Variants in CLEC16A observed in about 807,000 individuals in gnomAD.
CLEC16A encodes protein CLEC16A.
Under a neutral mutation model 109.5 loss-of-function variants are expected in CLEC16A, and 51 were observed. That is an observed-to-expected ratio of 0.47 (90% CI 0.37 to 0.59). The LOEUF (loss-of-function observed/expected upper bound fraction) is 0.59. CLEC16A is among the 20% of genes least tolerant of loss of function. The pLI, the probability that CLEC16A is intolerant of heterozygous loss-of-function variation, is 0.00. For missense variants in CLEC16A, 1,339 were observed against 1,394.0 expected (o/e 0.96, Z 0.63); for synonymous variants, 673 against 564.2 (o/e 1.19, Z -2.73).
In CLEC16A at chr16:11,125,964, A is replaced by C. The variant is rs759362683; in HGVS notation, c.2474-15A>C. ...CCACATGCTCAGAGTGAACCATGCT[A>C]TTGTTTGACCGTAGCCCTCCTGGAC... On this transcript the variant is annotated splice_polypyrimidine_tract_variant and intron_variant, in intron 21 of 23. Transcript: ENST00000409790. 8 of 1,376,362 alleles carry C rather than the reference A, an allele frequency of 5.8e-6. No individual in the cohort carries two copies. In the African/African-American group the frequency reaches 1.2e-4, roughly 20 times the overall value. 85.3% of individuals were successfully genotyped at this position (1,376,362 alleles called of 1,614,324 possible).
intron 19 of CLEC16A, among the ~76,000 whole-genome samples, chr16:11,075,412 C>CTCTG (rs1555478929): frequency 8.3e-6 from 1 of 120,550 alleles, no homozygotes; most frequent in African/African-American, 3.0e-5. Flanking sequence ...GTGTGTGTGT[C>CTCTG]TGTGTGTGTG....
chr16:10,956,904 C>G (rs934596576), intron 1 of CLEC16A, among the ~76,000 whole-genome samples: 7 of 152,264 alleles, frequency 4.6e-5, no homozygotes, highest in Middle Eastern at 3.4e-3. Flanking sequence ...TCAAGCAATT[C>G]TCCCTGCCTC....
chr16:10,980,121 T>G (rs2146639139), intron 9 of CLEC16A, among the ~76,000 whole-genome samples: 1 of 152,336 alleles, frequency 6.6e-6, no homozygotes, highest in African/African-American at 2.4e-5. Context: ...AGGTATTTAT[T>G]TGCTTTGATG....
intron 19 of CLEC16A, among the ~76,000 whole-genome samples, chr16:11,094,550 C>T (rs548706235): frequency 1.3e-5 from 2 of 152,222 alleles, no homozygotes; most frequent in African/African-American, 2.4e-5. Context: ...CCACCTCCCC[C>T]CCTACAACTT....
At chr16:11,168,951 C>A (rs2140966598) in intron 23 of CLEC16A, among the ~76,000 whole-genome samples, 1 of 152,352 alleles carries the variant, frequency 6.6e-6, no homozygotes, top group Non-Finnish European at 1.5e-5. Flanking sequence ...AACTTTCCAC[C>A]CACCAGGGAC....
At chr16:10,969,068 T>C in intron 3 of CLEC16A, 93 bp from the exon 4 acceptor site, 1 of 1,049,422 alleles carries the variant, frequency 9.5e-7, no homozygotes, top group Non-Finnish European at 1.4e-6. Flanking sequence ...GAGGCTTACC[T>C]GATTCAAGTA....
intron 20 of CLEC16A, among the ~76,000 whole-genome samples, chr16:11,122,424 T>G (rs1055047786): frequency 2.6e-5 from 4 of 152,226 alleles, no homozygotes; most frequent in African/African-American, 9.6e-5. Flanking sequence ...CAAGTGTTTT[T>G]CTCCCCTGAA....
At chr16:11,087,337 C>G (rs888508013) in intron 19 of CLEC16A, among the ~76,000 whole-genome samples, 5 of 152,204 alleles carry the variant, frequency 3.3e-5, no homozygotes, top group Non-Finnish European at 5.9e-5. Context: ...CCCACTCTCA[C>G]GTCCAGGAGG....
chr16:10,947,003 A>G (rs891597028), intron 1 of CLEC16A, among the ~76,000 whole-genome samples: 1 of 152,368 alleles, frequency 6.6e-6, no homozygotes, highest in East Asian at 1.9e-4. Flanking sequence ...CTCATCGCCA[A>G]TGGGGCATCT....
intron 10 of CLEC16A, among the ~76,000 whole-genome samples, chr16:10,983,311 A>T (rs1403261316): frequency 6.6e-6 from 1 of 152,332 alleles, no homozygotes; most frequent in Non-Finnish European, 1.5e-5. Context: ...TAATGTCTAC[A>T]GAAGTTGGGC....
intron 11 of CLEC16A, among the ~76,000 whole-genome samples, chr16:11,005,544 A>G (rs1440019519): frequency 6.6e-6 from 1 of 152,090 alleles, no homozygotes; most frequent in Non-Finnish European, 1.5e-5. Context: ...AATATGATGG[A>G]TCTGTCATTT....
At chr16:11,049,989 G>A (rs1228256081) in intron 17 of CLEC16A, among the ~76,000 whole-genome samples, 1 of 152,200 alleles carries the variant, frequency 6.6e-6, no homozygotes, top group Non-Finnish European at 1.5e-5. Flanking sequence ...CCCATTCACC[G>A]GGTGTCTCAG....
rs1314923095 is a variant in CLEC16A, at chr16:11,179,738, C to G, written c.*1048C>G. 6.6e-6 allele frequency: 1 copy of G among 152,322 alleles called. No individual in the cohort carries two copies. The highest frequency in any genetic ancestry group is 1.5e-5 in the Non-Finnish European group (1 of 68,134). The allele number at this position is 152,322 out of a possible 1,614,324, so 9.4% of individuals were successfully genotyped here. A position where few individuals can be genotyped will look rare whatever the true frequency, so the allele number is the denominator to read the frequency against. On this transcript the variant is annotated 3_prime_UTR_variant, in exon 24 of 24. Transcript: ENST00000409790. The stretch of plus-strand genomic sequence containing the variant: ...CTCGACTGTGTGTGCCCACATGTGC[C>G]GAGAGATGGCCCAGAGCCAGTTCCC...
intron 10 of CLEC16A, among the ~76,000 whole-genome samples, chr16:10,988,509 C>T (rs2043806449): frequency 6.6e-6 from 1 of 152,178 alleles, no homozygotes; most frequent in Non-Finnish European, 1.5e-5. Flanking sequence ...GTGAATGACT[C>T]AGTGGGTGAA....
intron 1 of CLEC16A, among the ~76,000 whole-genome samples, chr16:10,952,531 T>C (rs8044180): frequency 1.3e-5 from 2 of 152,162 alleles, no homozygotes; most frequent in Non-Finnish European, 2.9e-5. Context: ...TTAAAATGTT[T>C]ATATCTCTGA....
chr16:10,966,208 A>G (rs1026929644), intron 3 of CLEC16A, among the ~76,000 whole-genome samples: 3 of 152,228 alleles, frequency 2.0e-5, no homozygotes, highest in African/African-American at 4.8e-5. Flanking sequence ...AAAAGAAAAG[A>G]AAAAGGAAAA....
rs1567524398 is a variant in CLEC16A, at chr16:10,973,053, T to A, written c.720T>A (p.Thr240=). Residue 240 remains threonine, a synonymous_variant, in exon 7 of 24, where the codon ACT becomes ACA. Transcript: ENST00000409790. Reference sequence around the variant, plus strand: ...TCGAACTCGATGACTGCGTGCAGACTGATGAGGAGTAAGTGACACCCCCAG... The same window carrying A: ...TCGAACTCGATGACTGCGTGCAGACAGATGAGGAGTAAGTGACACCCCCAG... ...HVIELDDCVQ[T]DEEHRNRGKL... 1 of 1,604,798 alleles carries A rather than the reference T, an allele frequency of 6.2e-7. No individual in the cohort carries two copies. Among genetic ancestry groups the A allele is most frequent in the Non-Finnish European group, 8.5e-7 (1 of 1,175,152 alleles).
rs1248941943 is a variant in CLEC16A, at chr16:11,027,325, T to A, written c.1537+2404T>A. On this transcript the variant is annotated intron_variant, in intron 13 of 23. Coordinates refer to ENST00000409790, the MANE Select transcript of CLEC16A (RefSeq NM_015226.3). ...ATCGAAAGGATTGATGGCGTGAGTTTACTGGTGCAGAGAACCATTGCAAGA... is the reference window on the plus strand; with the variant it reads ...ATCGAAAGGATTGATGGCGTGAGTTAACTGGTGCAGAGAACCATTGCAAGA... 4 of 1,441,128 alleles carry A rather than the reference T, an allele frequency of 2.8e-6. No individual in the cohort carries two copies. The East Asian group carries it at 9.1e-5, about 33-fold the overall frequency. 89.3% of individuals were successfully genotyped at this position (1,441,128 alleles called of 1,614,324 possible).
chr16:11,109,673 C>T (rs1446482194), intron 19 of CLEC16A, among the ~76,000 whole-genome samples: 3 of 152,158 alleles, frequency 2.0e-5, no homozygotes, highest in African/African-American at 7.2e-5. Context: ...GACCACAGCC[C>T]CTCCCTCACA....
Sources: allele counts gnomAD v4.1 joint callset (sites outside exome capture counted in the v4.1 genomes callset), GRCh38; gene constraint gnomAD v4.1.1; transcripts MANE v1.5; gene names NCBI Gene and HGNC (gene_info 2026-07-23, HGNC 2026-07-21).